The following BSDC1 variants were observed in gnomAD, a reference collection of about 807,000 sequenced individuals.
The protein encoded by BSDC1 is BSD domain containing 1.
A neutral mutation model predicts 56.0 loss-of-function variants in BSDC1; 29 were observed. The ratio of observed to expected loss-of-function variants is 0.52; its 90% confidence interval spans 0.39 to 0.71. The LOEUF (loss-of-function observed/expected upper bound fraction) is 0.71. Ranked by LOEUF, BSDC1 falls within the 30% of genes least tolerant of loss-of-function variation. The pLI is 0.00. For synonymous variants in BSDC1, 210 were observed against 215.3 expected (o/e 0.98, Z 0.21); for missense variants, 477 against 548.5 (o/e 0.87, Z 1.30).
intron 8 of BSDC1, among the ~76,000 whole-genome samples, chr1:32,377,203 G>C (rs1642323868): frequency 6.6e-6 from 1 of 152,146 alleles, no homozygotes; most frequent in Non-Finnish European, 1.5e-5. Flanking sequence ...CGCTTCTGCA[G>C]ACAGTCCCTG....
intron 9 of BSDC1, among the ~76,000 whole-genome samples, chr1:32,372,229 AC>A (rs1433688713): frequency 6.6e-6 from 1 of 152,172 alleles, no homozygotes; most frequent in African/African-American, 2.4e-5. Context: ...GGCAGCCAAG[AC>A]CCAGCTCTTC....
chr1:32,368,021 TTTC>T (rs1409696766), intron 10 of BSDC1: 1 of 1,176,164 alleles, frequency 8.5e-7, no homozygotes, highest in African/African-American at 1.6e-5. Flanking sequence ...TGATGTCTGT[TTTC>T]TTTTTTCCTT....
rs182279069 is a variant in BSDC1 at position 32,375,878 on chromosome 1, G to C, written c.1156+384C>G. On this transcript the variant is annotated intron_variant, in intron 9 of 10. Transcript: ENST00000455895. Reference sequence around the variant, plus strand: ...ATGGGCTTGGAGTCAGACAGCCCTGGGTCTGAATCTGGGCCTCCTGGCCAT... The same window carrying C: ...ATGGGCTTGGAGTCAGACAGCCCTGCGTCTGAATCTGGGCCTCCTGGCCAT... Among the ~76,000 whole-genome samples the C allele has an allele frequency of 3.4e-3, 519 of 152,228 alleles. 1 individual carries two copies. Among genetic ancestry groups the C allele is most frequent in the African/African-American group, 0.012 (487 of 41,532 alleles).
intron 1 of BSDC1, 51 bp downstream of exon 1, chr1:32,394,353 A>G: frequency 6.2e-7 from 1 of 1,613,468 alleles, no homozygotes; most frequent in Non-Finnish European, 8.5e-7. Flanking sequence ...CAGCACCCCA[A>G]CCCTGGGAGA....
At chr1:32,380,695 A>G (rs1353207701) in intron 5 of BSDC1, among the ~76,000 whole-genome samples, 1 of 152,114 alleles carries the variant, frequency 6.6e-6, no homozygotes, top group African/African-American at 2.4e-5. Flanking sequence ...CTCCAGCATC[A>G]CTTGCTTGGT....
At chr1:32,375,902 A>C (rs933629331) in intron 9 of BSDC1, among the ~76,000 whole-genome samples, 4 of 152,226 alleles carry the variant, frequency 2.6e-5, no homozygotes, top group African/African-American at 9.6e-5. Context: ...CCTCCTGGCC[A>C]TGTGAACTTG....
chr1:32,367,145 G>A (rs1570091935), intron 10 of BSDC1: 3 of 985,974 alleles, frequency 3.0e-6, no homozygotes, highest in Non-Finnish European at 3.6e-6. Flanking sequence ...AGAGGTGGCA[G>A]TGGCCTACAG....
At chr1:32,371,973 CA>C (rs1356564849) in intron 9 of BSDC1, among the ~76,000 whole-genome samples, 1 of 152,256 alleles carries the variant, frequency 6.6e-6, no homozygotes, top group Non-Finnish European at 1.5e-5. Context: ...TGCCCACCCC[CA>C]GTCCCAACTA....
intron 9 of BSDC1, chr1:32,369,147 T>C: frequency 1.6e-6 from 1 of 634,780 alleles, no homozygotes; most frequent in Non-Finnish European, 2.4e-6. Flanking sequence ...AAACAGTGAG[T>C]TACATGGTGG....
At chr1:32,380,256 G>A (rs1478005935) in intron 5 of BSDC1, among the ~76,000 whole-genome samples, 1 of 152,152 alleles carries the variant, frequency 6.6e-6, no homozygotes, top group African/African-American at 2.4e-5. Context: ...TTACTAAAAG[G>A]CGGGTGCTCC....
intron 9 of BSDC1, among the ~76,000 whole-genome samples, chr1:32,373,208 T>G (rs567508942): frequency 7.2e-5 from 11 of 152,212 alleles, no homozygotes; most frequent in Non-Finnish European, 1.6e-4. Context: ...AGACTCTGGC[T>G]TCCTCCCACC....
At chr1:32,384,018 G>A (rs747416434) in intron 3 of BSDC1, 21 bp from the exon 4 acceptor site, 2 of 1,613,010 alleles carry the variant, frequency 1.2e-6, no homozygotes, top group Admixed American at 3.3e-5. Flanking sequence ...AACGGGCAGA[G>A]GAAGCAAGCG....
At chr1:32,379,949 C>T (rs1642425457) in intron 5 of BSDC1, among the ~76,000 whole-genome samples, 1 of 152,184 alleles carries the variant, frequency 6.6e-6, no homozygotes, top group Admixed American at 6.5e-5. Context: ...TCACCCCAGG[C>T]CTCAAAACCT....
rs1019911702 is a variant in BSDC1, at chr1:32,366,123, T to A, written c.*499A>T. ...AAATTTCCCAGAGATAAGTGCCTCT[T>A]ACCCACTGGGATAGGAACCAAAATG... On this transcript the variant is annotated 3_prime_UTR_variant, in exon 11 of 11. Transcript: ENST00000455895. The A allele has an allele frequency of 5.6e-6, 1 of 178,686 alleles. No homozygotes were observed. Among genetic ancestry groups the A allele is most frequent in the Non-Finnish European group, 1.2e-5 (1 of 83,552 alleles). The allele number at this position is 178,686 out of a possible 1,614,324, so 11.1% of individuals were successfully genotyped here.
At position 32,376,610 on chromosome 1, in the gene BSDC1, G is replaced by C. The variant is rs767166821; in HGVS notation, c.808C>G (p.Pro270Ala). 2 of 1,475,398 alleles carry C rather than the reference G, an allele frequency of 1.4e-6. No homozygotes were observed. Among genetic ancestry groups the C allele is most frequent in the Non-Finnish European group, 1.8e-6 (2 of 1,101,884 alleles). 91.4% of individuals were successfully genotyped at this position (1,475,398 alleles called of 1,614,324 possible). The change falls in exon 9 of 11, where the codon CCC (proline) becomes GCC (alanine). Residue 270 changes from proline (P) to alanine (A), a missense_variant. Coordinates refer to ENST00000455895, the MANE Select transcript of BSDC1 (RefSeq NM_018045.8). ...TCTGATGGAGTCACCTCTGCTGGGGGCTCAACTGAAGTCACCAGATTCTCT... is the reference window on the plus strand; with the variant it reads ...TCTGATGGAGTCACCTCTGCTGGGGCCTCAACTGAAGTCACCAGATTCTCT... The part of the protein sequence containing the change: ...CEENLVTSVE[P>A]PAEVTPSESS...
At chr1:32,389,784 CCACACA>C (rs58560406) in intron 2 of BSDC1, among the ~76,000 whole-genome samples, 35 of 146,086 alleles carry the variant, frequency 2.4e-4, no homozygotes, top group East Asian at 8.0e-4. Flanking sequence ...AAAACCGTCT[CCACACA>C]CACACACACA....
At chr1:32,385,092 CAAATT>C (rs777796253) in intron 3 of BSDC1, among the ~76,000 whole-genome samples, 3 of 152,192 alleles carry the variant, frequency 2.0e-5, no homozygotes, top group East Asian at 3.9e-4. Flanking sequence ...AGCTGGTGAT[CAAATT>C]AAGAAGCTGC....
chr1:32,375,438 G>T (rs535701463), intron 9 of BSDC1, among the ~76,000 whole-genome samples: 5 of 151,670 alleles, frequency 3.3e-5, no homozygotes, highest in African/African-American at 4.8e-5. Flanking sequence ...GGGACTGGAG[G>T]GGGGGTTCTT....
chr1:32,386,188 G>A (rs772321636), intron 3 of BSDC1, among the ~76,000 whole-genome samples: 21 of 151,768 alleles, frequency 1.4e-4, no homozygotes, highest in Non-Finnish European at 2.4e-4. Context: ...GCGTGGTGGC[G>A]GGCGCCTGTA....
Sources: gnomAD v4.1 joint callset for allele counts (sites outside exome capture counted in the v4.1 genomes callset) on GRCh38, gnomAD v4.1.1 for gene constraint, MANE v1.5 for transcripts, NCBI Gene and HGNC (gene_info 2026-07-23, HGNC 2026-07-21) for gene names.